The following FUT9 variants were observed in gnomAD, a reference collection of about 807,000 sequenced individuals.
The protein encoded by FUT9 is fucosyltransferase 9.
In FUT9, 15 loss-of-function variants were observed where a neutral mutation model predicts 29.7. The observed-to-expected ratio is 0.51, with a 90% CI of 0.34 to 0.78. The LOEUF is 0.78. FUT9 is among the 30% of genes least tolerant of loss of function. The pLI is 0.01. For synonymous variants in FUT9, 169 were observed against 153.7 expected (o/e 1.10, Z -0.74); for missense variants, 319 against 425.4 (o/e 0.75, Z 2.20).
intron 2 of FUT9, among the ~76,000 whole-genome samples, chr6:96,148,812 T>C (rs1772621503): frequency 6.6e-6 from 1 of 152,170 alleles, no homozygotes; most frequent in Non-Finnish European, 1.5e-5. Flanking sequence ...CAAAATGTTC[T>C]CTAACTAGTC....
intron 1 of FUT9, among the ~76,000 whole-genome samples, chr6:96,048,591 TG>T (rs1770607454): frequency 6.6e-6 from 1 of 152,040 alleles, no homozygotes; most frequent in African/African-American, 2.4e-5. Context: ...TAATGGAGAG[TG>T]AATTCATATT....
chr6:96,033,005 A>C (rs1433612465), intron 1 of FUT9, among the ~76,000 whole-genome samples: 1 of 151,618 alleles, frequency 6.6e-6, no homozygotes, highest in East Asian at 1.9e-4. Flanking sequence ...ATTCCCGGAA[A>C]GAAGTTCCTA....
intron 2 of FUT9, among the ~76,000 whole-genome samples, chr6:96,192,074 T>C (rs1298447739): frequency 6.6e-6 from 1 of 152,142 alleles, no homozygotes; most frequent in Non-Finnish European, 1.5e-5. Flanking sequence ...GAGCTATTTA[T>C]GACAAACCCA....
intron 1 of FUT9, among the ~76,000 whole-genome samples, chr6:96,064,042 T>G (rs2387151): frequency 0.56 from 84,463 of 151,896 alleles, 23,588 homozygotes; most frequent in South Asian, 0.64. Context: ...ACTTATAATG[T>G]CACAATTGCT....
chr6:96,042,124 G>C (rs1173963378), intron 1 of FUT9, among the ~76,000 whole-genome samples: 3 of 152,178 alleles, frequency 2.0e-5, no homozygotes, highest in African/African-American at 7.2e-5. Flanking sequence ...ATCCTGGTCA[G>C]GTCAGTGAGA....
chr6:96,035,927 TTAATA>T (rs1186546911), intron 1 of FUT9, among the ~76,000 whole-genome samples: 10 of 67,254 alleles, frequency 1.5e-4, no homozygotes, highest in Non-Finnish European at 2.8e-4. Flanking sequence ...GTTTATTATA[TTAATA>T]TAATATAATA....
chr6:96,064,402 A>C (rs1313461857), intron 1 of FUT9, among the ~76,000 whole-genome samples: 2 of 152,102 alleles, frequency 1.3e-5, no homozygotes, highest in East Asian at 3.9e-4. Flanking sequence ...ATCACCCCAT[A>C]CTGGCAATGT....
chr6:96,069,879 C>T (rs1039743105), intron 1 of FUT9, among the ~76,000 whole-genome samples: 1 of 152,064 alleles, frequency 6.6e-6, no homozygotes, highest in Non-Finnish European at 1.5e-5. Flanking sequence ...AACTTACCCT[C>T]CTCGGCCTCT....
chr6:96,106,248 T>TTC (rs1562126417), intron 1 of FUT9, among the ~76,000 whole-genome samples: 1 of 151,596 alleles, frequency 6.6e-6, no homozygotes, highest in African/African-American at 2.4e-5. Flanking sequence ...CCTTCCTTCA[T>TTC]CTTCTTAATG....
At chr6:96,176,072 G>A (rs1582286401) in intron 2 of FUT9, among the ~76,000 whole-genome samples, 1 of 152,286 alleles carries the variant, frequency 6.6e-6, no homozygotes, top group East Asian at 1.9e-4. Flanking sequence ...AGAACTCCAG[G>A]ATCTCCAGCC....
At position 96,211,946 on chromosome 6, in the gene FUT9, T is replaced by C. The variant is rs1259627547; in HGVS notation, c.*7711T>C. ...TGTGTAAGTAAAGTAAGTTAAGTTA[T>C]AGCTTGCTGGAATTTTATTGTGGAA... On this transcript the variant is annotated 3_prime_UTR_variant, in exon 3 of 3. Transcript: ENST00000302103. 4.9e-6 allele frequency: 2 copies of C among 408,750 alleles called. No individual in the cohort carries two copies. Among genetic ancestry groups the C allele is most frequent in the Non-Finnish European group, 8.9e-6 (2 of 223,484 alleles). 25.3% of individuals were successfully genotyped at this position (408,750 alleles called of 1,614,324 possible).
At position 96,065,966 on chromosome 6, in the gene FUT9, T is replaced by C. The variant is rs185226791; in HGVS notation, c.-97-48073T>C. Among the ~76,000 whole-genome samples, 8 of 152,286 alleles carry C rather than the reference T, an allele frequency of 5.3e-5. No individual in the cohort carries two copies. In the East Asian group the frequency reaches 1.5e-3, roughly 29 times the overall value. On this transcript the variant is annotated intron_variant, in intron 1 of 2. Transcript: ENST00000302103. ...AAATGAACATTGAAGAAAAGTAGGATACATTTATCAAGCAACTGTTTTAGT... is the reference window on the plus strand; with the variant it reads ...AAATGAACATTGAAGAAAAGTAGGACACATTTATCAAGCAACTGTTTTAGT...
At chr6:96,023,406 A>AGG (rs1770108435) in intron 1 of FUT9, among the ~76,000 whole-genome samples, 1 of 151,950 alleles carries the variant, frequency 6.6e-6, no homozygotes, top group Non-Finnish European at 1.5e-5. Context: ...GATTAACAGG[A>AGG]CATCATCTGT....
At chr6:96,189,844 T>A (rs1263498820) in intron 2 of FUT9, among the ~76,000 whole-genome samples, 1 of 152,162 alleles carries the variant, frequency 6.6e-6, no homozygotes, top group South Asian at 2.1e-4. Context: ...CACTCATGGG[T>A]CTTGACTCTT....
At chr6:96,062,183 C>T (rs1016227587) in intron 1 of FUT9, among the ~76,000 whole-genome samples, 1 of 150,802 alleles carries the variant, frequency 6.6e-6, no homozygotes, top group Non-Finnish European at 1.5e-5. Flanking sequence ...AGAACTTAAA[C>T]TGTAATAATG....
chr6:96,051,463 C>T lies in FUT9; in HGVS notation c.-98+35251C>T, dbSNP rs539066475. On this transcript the variant is annotated intron_variant, in intron 1 of 2. Coordinates refer to ENST00000302103, the MANE Select transcript of FUT9 (RefSeq NM_006581.4). ...GCCAAGAGTTCAAAACCAGCTTGGA[C>T]AACATAGTGAGACCCCAACTCTAAA... Among the ~76,000 whole-genome samples, 11 of 151,880 alleles carry T rather than the reference C, an allele frequency of 7.2e-5. No homozygotes were observed. The South Asian group carries it at 2.3e-3, about 32-fold the overall frequency.
chr6:96,146,463 A>T (rs570399135), intron 2 of FUT9, among the ~76,000 whole-genome samples: 11 of 152,318 alleles, frequency 7.2e-5, no homozygotes, highest in African/African-American at 2.6e-4. Context: ...ACAAAGGAAA[A>T]TCTGAGGGGT....
intron 1 of FUT9, among the ~76,000 whole-genome samples, chr6:96,106,157 T>C (rs1379605184): frequency 2.0e-5 from 3 of 151,684 alleles, no homozygotes; most frequent in African/African-American, 4.8e-5. Flanking sequence ...GCAGGCAGCA[T>C]GTATGGAGCT....
chr6:96,188,710 G>GATATATATATAT (rs57955007), intron 2 of FUT9, among the ~76,000 whole-genome samples: 14 of 146,356 alleles, frequency 9.6e-5, no homozygotes, highest in African/African-American at 3.0e-4. Context: ...TATATTATTT[G>GATATATATATAT]ATATATATAT....
Sources: allele counts gnomAD v4.1 joint callset (sites outside exome capture counted in the v4.1 genomes callset), GRCh38; gene constraint gnomAD v4.1.1; transcripts MANE v1.5; gene names NCBI Gene and HGNC (gene_info 2026-07-23, HGNC 2026-07-21).